Variants in TCF20 observed in about 807,000 individuals in gnomAD.
TCF20 encodes SPRE-binding protein.
A neutral mutation model predicts 148.6 loss-of-function variants in TCF20; 3 were observed. The observed-to-expected ratio is 0.02, with a 90% CI of 0.01 to 0.05. The LOEUF is 0.05. Ranked by LOEUF, TCF20 falls within the 10% of genes least tolerant of loss-of-function variation. The pLI is 1.00. For synonymous variants in TCF20, 1,049 were observed against 909.5 expected, an observed-to-expected ratio of 1.15 and a Z score of -2.76; for missense variants, 2,350 against 2,429.3, an observed-to-expected ratio of 0.97 and a Z score of 0.69.
Position 42,212,193 on chromosome 22 carries a change from G to T in TCF20, c.3113C>A (p.Thr1038Asn), listed in dbSNP as rs1379073819. 5.0e-6 allele frequency: 8 copies of T among 1,614,224 alleles called. No individual in the cohort carries two copies. The South Asian group carries it at 8.8e-5, about 18-fold the overall frequency. Residue 1038 changes from threonine (T) to asparagine (N), a missense_variant, in exon 2 of 6, where the codon ACC becomes AAC. This residue lies in a region of TCF20 where 1,641 missense variants were observed against 1,662.6 expected (regional missense o/e 0.99). Transcript: ENST00000677622. ...GDPHHMNPHM[T>N]FSERANRSSL... ...ACTCCGGTTAGCCCTCTCTGAAAAG[G>T]TCATGTGTGGATTCATGTGATGAGG...
At chr22:42,234,681 C>T (rs1923721037) in intron 1 of TCF20, among the ~76,000 whole-genome samples, 1 of 152,108 alleles carries the variant, frequency 6.6e-6, no homozygotes, top group South Asian at 2.1e-4. Flanking sequence ...AAATAGTTTG[C>T]AGGATTATTT....
rs1006685478 is a variant in TCF20, at chr22:42,290,050, G to A, written c.-37+53429C>T. ...CCAGGAATATTAATTCTCCACAGCCGGCTCACTCCCGCCGCACGCATGCGC... is the reference window on the plus strand; with the variant it reads ...CCAGGAATATTAATTCTCCACAGCCAGCTCACTCCCGCCGCACGCATGCGC... On this transcript the variant is annotated intron_variant, in intron 1 of 1. Transcript: ENST00000515426. The surrounding 1 kb of genome is among the most constrained non-coding windows in gnomAD (Gnocchi z 4.2). 1.3e-5 allele frequency among the ~76,000 whole-genome samples: 2 copies of A among 152,216 alleles called. No individual in the cohort carries two copies. Among genetic ancestry groups the A allele is most frequent in the Non-Finnish European group, 2.9e-5 (2 of 68,040 alleles).
intron 1 of TCF20, among the ~76,000 whole-genome samples, chr22:42,322,291 G>T (rs933403359): frequency 6.6e-6 from 1 of 151,912 alleles, no homozygotes; most frequent in Admixed American, 6.6e-5. Context: ...CTCAGAAGAT[G>T]TATAAGAGGA....
At chr22:42,272,623 C>G (rs994501491), upstream of TCF20, among the ~76,000 whole-genome samples, 4 of 152,220 alleles carry the variant, frequency 2.6e-5, no homozygotes, top group Admixed American at 2.6e-4. Context: ...CCCCTCCCCG[C>G]CCTTTCAGAC....
At chr22:42,339,769 C>G (rs1455030625) in intron 1 of TCF20, among the ~76,000 whole-genome samples, 1 of 152,218 alleles carries the variant, frequency 6.6e-6, no homozygotes, top group Non-Finnish European at 1.5e-5. Flanking sequence ...TATCCCAAGC[C>G]TGGGGCAGGC....
At chr22:42,263,728 C>T (rs1438453804) in intron 1 of TCF20, among the ~76,000 whole-genome samples, 1 of 152,176 alleles carries the variant, frequency 6.6e-6, no homozygotes, top group Non-Finnish European at 1.5e-5. Flanking sequence ...TGCTTTCAAG[C>T]TTGATGTGTG....
intron 1 of TCF20, among the ~76,000 whole-genome samples, chr22:42,261,619 G>A (rs896257509): frequency 5.3e-5 from 8 of 151,812 alleles, no homozygotes; most frequent in East Asian, 1.9e-4. Flanking sequence ...CATCCCCTTT[G>A]CTGCCTCTTA....
chr22:42,194,220 A>T (rs1332209716), intron 2 of TCF20, among the ~76,000 whole-genome samples: 2 of 152,142 alleles, frequency 1.3e-5, no homozygotes, highest in Non-Finnish European at 2.9e-5. Context: ...GAGCAACAAG[A>T]TTTTTTGTTG....
intron 2 of TCF20, among the ~76,000 whole-genome samples, chr22:42,189,918 T>C (rs1018938100): frequency 6.6e-6 from 1 of 152,164 alleles, no homozygotes; most frequent in Non-Finnish European, 1.5e-5. Flanking sequence ...GAGAGAAAGC[T>C]GGGGCGGAGA....
chr22:42,238,183 T>A (rs954600496), intron 1 of TCF20, among the ~76,000 whole-genome samples: 13 of 152,226 alleles, frequency 8.5e-5, no homozygotes, highest in African/African-American at 2.7e-4. Flanking sequence ...GCTTCTACAT[T>A]AGCACTTGCT....
At chr22:42,298,991 G>A (rs1299925523) in intron 1 of TCF20, among the ~76,000 whole-genome samples, 2 of 152,244 alleles carry the variant, frequency 1.3e-5, no homozygotes, top group African/African-American at 4.8e-5. Context: ...CCACTGGTGT[G>A]TCCTCAGCCT....
upstream of TCF20, among the ~76,000 whole-genome samples, chr22:42,270,883 G>A (rs1406821684): frequency 3.3e-5 from 5 of 151,376 alleles, no homozygotes; most frequent in African/African-American, 4.8e-5. Flanking sequence ...TCTCCTCTGC[G>A]GCCGCTGGGC....
intron 1 of TCF20, among the ~76,000 whole-genome samples, chr22:42,245,161 T>G (rs1240310874): frequency 1.3e-5 from 2 of 152,164 alleles, no homozygotes; most frequent in East Asian, 3.9e-4. Context: ...GAGCAAGTAA[T>G]TCATTACATA....
chr22:42,327,249 G>A (rs1168172343), intron 1 of TCF20, among the ~76,000 whole-genome samples: 1 of 152,226 alleles, frequency 6.6e-6, no homozygotes, highest in African/African-American at 2.4e-5. Flanking sequence ...AATGGTGCTA[G>A]ATGTAACCCT....
chr22:42,168,644 C>CT lies in TCF20; in HGVS notation c.*8dup. 1.3e-6 allele frequency: 2 copies of CT among 1,597,604 alleles called. No individual in the cohort carries two copies. Among genetic ancestry groups the CT allele is most frequent in the Non-Finnish European group, 1.7e-6 (2 of 1,171,948 alleles). The stretch of plus-strand genomic sequence containing the variant: ...TGTCCTTTCCATTCCCACGAGCACA[C>CT]TGCCCCCCTCACCCCCGCTCCGACT... On this transcript the variant is annotated 3_prime_UTR_variant, in exon 5 of 6. Transcript: ENST00000677622.
intron 1 of TCF20, among the ~76,000 whole-genome samples, chr22:42,305,437 T>A (rs1307600499): frequency 1.3e-5 from 2 of 151,848 alleles, no homozygotes; most frequent in African/African-American, 4.8e-5. Flanking sequence ...ACTCCATGGG[T>A]CTCTCTAAAC....
intron 1 of TCF20, among the ~76,000 whole-genome samples, chr22:42,219,474 C>T (rs1922152260): frequency 6.6e-6 from 1 of 150,734 alleles, no homozygotes; most frequent in Non-Finnish European, 1.5e-5. Context: ...ATAATAAGTG[C>T]CTGAATTCCT....
rs769286176 is a variant in TCF20, at chr22:42,168,751, A to T, written c.5800-15T>A. On this transcript the variant is annotated splice_polypyrimidine_tract_variant and intron_variant, in intron 4 of 5. Coordinates refer to ENST00000677622, the MANE Select transcript of TCF20 (RefSeq NM_001378418.1). ...GGAAGGGGAGGCTGACACGGGCAAAACCAAGAGGAGACAGACAGGTGGGAG... is the reference window on the plus strand; with the variant it reads ...GGAAGGGGAGGCTGACACGGGCAAATCCAAGAGGAGACAGACAGGTGGGAG... The T allele has an allele frequency of 6.2e-7, 1 of 1,602,780 alleles. No individual in the cohort carries two copies. Among genetic ancestry groups the T allele is most frequent in the South Asian group, 1.1e-5 (1 of 89,768 alleles).
Position 42,323,863 on chromosome 22 carries a change from G to GTGGTGGAGGTGGTGGCGGAGGTTA in TCF20, c.-37+19615_-37+19616insTAACCTCCGCCACCACCTCCACCA, listed in dbSNP as rs1569209597. 8.3e-4 allele frequency among the ~76,000 whole-genome samples: 95 copies of GTGGTGGAGGTGGTGGCGGAGGTTA among 113,930 alleles called. 22 individuals carry two copies. The highest frequency in any genetic ancestry group is 2.3e-3 in the South Asian group (7 of 3,106). 74.7% of individuals were successfully genotyped at this position (113,930 alleles called of 152,430 possible). A position where few individuals can be genotyped will look rare whatever the true frequency, so the allele number is the denominator to read the frequency against. Reference sequence around the variant, plus strand: ...GGTGGTAGTGGTGATGGAGGTTATGGTGGTGGTGGTGGTGGTGGTGATGGA... The same window carrying GTGGTGGAGGTGGTGGCGGAGGTTA: ...GGTGGTAGTGGTGATGGAGGTTATGGTGGTGGAGGTGGTGGCGGAGGTTATGGTGGTGGTGGTGGTGGTGATGGA... On this transcript the variant is annotated intron_variant, in intron 1 of 1. Coordinates refer to the TCF20 transcript ENST00000515426.
Sources: gnomAD v4.1 joint callset for allele counts (sites outside exome capture counted in the v4.1 genomes callset) on GRCh38, gnomAD v4.1.1 for gene constraint, gnomAD v4.1.1 regional missense constraint, Gnocchi (gnomAD v3.1) non-coding constraint, MANE v1.5 for transcripts, NCBI Gene and HGNC (gene_info 2026-07-23, HGNC 2026-07-21) for gene names.